Variants in NREP observed in about 807,000 individuals in gnomAD.
NREP encodes neuronal regeneration related protein.
NREP carries 5 observed loss-of-function variants against 8.6 expected under a neutral mutation model. The observed-to-expected ratio is 0.58, with a 90% CI of 0.30 to 1.22. The LOEUF is 1.22. Ranked by LOEUF, NREP falls within the 50% of genes most tolerant of loss-of-function variation. The pLI is 0.07. For synonymous variants in NREP, 27 were observed against 28.0 expected, an observed-to-expected ratio of 0.96 and a Z score of 0.11; for missense variants, 86 against 82.5, an observed-to-expected ratio of 1.04 and a Z score of -0.17.
chr5:111,877,863 T>C (rs1034153927), intron 2 of NREP, among the ~76,000 whole-genome samples: 2 of 152,164 alleles, frequency 1.3e-5, no homozygotes, highest in Non-Finnish European at 2.9e-5. Context: ...CCTCACCAAC[T>C]AGTGTTACCA....
chr5:111,757,677 C>T (rs984518073), upstream of NREP: 7 of 983,682 alleles, frequency 7.1e-6, no homozygotes, highest in African/African-American at 8.8e-5. Flanking sequence ...CCCACTGCAC[C>T]GCGCGGCGCC....
At chr5:111,930,485 C>G (rs958016927) in intron 2 of NREP, among the ~76,000 whole-genome samples, 17 of 152,010 alleles carry the variant, frequency 1.1e-4, no homozygotes, top group Non-Finnish European at 8.8e-5. Flanking sequence ...ACCTTTTAAC[C>G]AGAATGAGTT....
chr5:111,859,904 A>G (rs1434766062), intron 2 of NREP, among the ~76,000 whole-genome samples: 2 of 152,126 alleles, frequency 1.3e-5, no homozygotes, highest in African/African-American at 2.4e-5. Context: ...TTTTATTAGC[A>G]TTCTTACTCT....
intron 2 of NREP, among the ~76,000 whole-genome samples, chr5:111,920,629 G>C (rs560576118): frequency 2.0e-5 from 3 of 152,182 alleles, no homozygotes; most frequent in Admixed American, 1.3e-4. Flanking sequence ...GAAATGTAAG[G>C]GTTTTTATAG....
At chr5:111,854,024 CTG>C (rs1219814374) in intron 2 of NREP, among the ~76,000 whole-genome samples, 2 of 152,120 alleles carry the variant, frequency 1.3e-5, no homozygotes, top group African/African-American at 4.8e-5. Context: ...AGGAAACAGA[CTG>C]TGTTTATATC....
intron 2 of NREP, among the ~76,000 whole-genome samples, chr5:111,935,579 A>C (rs889241143): frequency 1.3e-5 from 2 of 152,110 alleles, no homozygotes; most frequent in African/African-American, 4.8e-5. Context: ...CAGCTTGATC[A>C]AGTTTCCACT....
chr5:111,968,871 G>A (rs1167519814), intron 2 of NREP, among the ~76,000 whole-genome samples: 1 of 152,140 alleles, frequency 6.6e-6, no homozygotes, highest in Non-Finnish European at 1.5e-5. Flanking sequence ...TAACCCCTCA[G>A]CATGGTTTTC....
rs576472517 is a variant in NREP at position 111,882,947 on chromosome 5, T to C, written c.135+92327A>G. Among the ~76,000 whole-genome samples, 469 of 152,312 alleles carry C rather than the reference T, an allele frequency of 3.1e-3. 2 individuals are homozygous for C. The highest frequency in any genetic ancestry group is 0.011 in the African/African-American group (448 of 41,548). ...TGAGCAAAATAACCAGCTAACATCA[T>C]AATGACAGGATCAAATTCACACATA... On this transcript the variant is annotated intron_variant, in intron 2 of 3. Transcript: ENST00000395634.
At chr5:111,847,523 A>G (rs927602502) in intron 2 of NREP, among the ~76,000 whole-genome samples, 1 of 152,318 alleles carries the variant, frequency 6.6e-6, no homozygotes. Context: ...CTAATGTGAT[A>G]TAAGTATTAT....
chr5:111,955,869 G>C (rs1297298250), intron 2 of NREP, among the ~76,000 whole-genome samples: 2 of 146,706 alleles, frequency 1.4e-5, no homozygotes, highest in African/African-American at 2.5e-5. Flanking sequence ...TAAGGGATGA[G>C]AGTTGGAACT....
chr5:111,868,566 G>A (rs1010183961), intron 2 of NREP, among the ~76,000 whole-genome samples: 2 of 152,174 alleles, frequency 1.3e-5, no homozygotes, highest in African/African-American at 4.8e-5. Context: ...GTGTTAAGTG[G>A]CAATATATAG....
chr5:111,847,358 C>T (rs1248400426), intron 2 of NREP, among the ~76,000 whole-genome samples: 1 of 152,000 alleles, frequency 6.6e-6, no homozygotes, highest in Non-Finnish European at 1.5e-5. Flanking sequence ...GGGAATAAAT[C>T]CTACTATGTG....
At chr5:111,857,043 A>C (rs1753441871) in intron 2 of NREP, among the ~76,000 whole-genome samples, 1 of 152,168 alleles carries the variant, frequency 6.6e-6, no homozygotes, top group Non-Finnish European at 1.5e-5. Flanking sequence ...GTTTATAGAA[A>C]CATGCTAAAT....
At chr5:111,897,869 C>T (rs889581479) in intron 2 of NREP, among the ~76,000 whole-genome samples, 8 of 152,182 alleles carry the variant, frequency 5.3e-5, no homozygotes, top group Non-Finnish European at 7.4e-5. Context: ...CCCATATTCT[C>T]ACTAATCAAA....
rs778598089 is a variant in NREP, at chr5:111,915,655, AC to A, written c.135+59618del. 3.9e-5 allele frequency among the ~76,000 whole-genome samples: 6 copies of A among 152,106 alleles called. No individual in the cohort carries two copies. In the East Asian group the frequency reaches 5.8e-4, roughly 15 times the overall value. Reference sequence around the variant, plus strand: ...TCAAACATTTTTGGCCCGTAGTAATACCACAACCCAACATTCCCTCACACAT... The same window carrying A: ...TCAAACATTTTTGGCCCGTAGTAATACACAACCCAACATTCCCTCACACAT... On this transcript the variant is annotated intron_variant, in intron 2 of 3. Coordinates refer to the NREP transcript ENST00000395634.
At chr5:111,755,740 T>C (rs375370176) in intron 2 of NREP, 30 bp downstream of exon 2, 1 of 1,611,970 alleles carries the variant, frequency 6.2e-7, no homozygotes, top group South Asian at 1.1e-5. Flanking sequence ...TAAGAAGTAC[T>C]GAGAATCTCC....
At chr5:111,841,312 A>G (rs1452827506) in intron 2 of NREP, among the ~76,000 whole-genome samples, 2 of 152,148 alleles carry the variant, frequency 1.3e-5, no homozygotes, top group Admixed American at 1.3e-4. Context: ...ATTGTTAACT[A>G]CTTTGTACTT....
chr5:111,924,396 A>G (rs1755326880), intron 2 of NREP, among the ~76,000 whole-genome samples: 1 of 152,012 alleles, frequency 6.6e-6, no homozygotes, highest in African/African-American at 2.4e-5. Flanking sequence ...TTAACTGGGC[A>G]GTCTGGCCAG....
chr5:111,972,210 G>T (rs490821), intron 2 of NREP, among the ~76,000 whole-genome samples: 84,888 of 151,882 alleles, frequency 0.56, 24,273 homozygotes, highest in Non-Finnish European at 0.62. Context: ...TGTTAGAATG[G>T]TTTTAATAGA....
Sources: allele counts gnomAD v4.1 joint callset (sites outside exome capture counted in the v4.1 genomes callset), GRCh38; gene constraint gnomAD v4.1.1; transcripts MANE v1.5; gene names NCBI Gene and HGNC (gene_info 2026-07-23, HGNC 2026-07-21).